The following PCDH9 variants were observed in gnomAD, a reference collection of about 807,000 sequenced individuals.
PCDH9 encodes protocadherin 9, also known as protocadherin-9.
A neutral mutation model predicts 70.6 loss-of-function variants in PCDH9; 24 were observed. The observed-to-expected ratio is 0.34, with a 90% CI of 0.25 to 0.48. The LOEUF is 0.48. PCDH9 is among the 20% of genes least tolerant of loss of function. PCDH9 has a pLI of 0.99. For synonymous variants in PCDH9, 562 were observed against 558.5 expected (o/e 1.01, Z -0.09); for missense variants, 1,281 against 1,503.6 (o/e 0.85, Z 2.45).
chr13:66,830,807 G>T (rs1030163883), intron 3 of PCDH9, among the ~76,000 whole-genome samples: 2 of 152,112 alleles, frequency 1.3e-5, no homozygotes, highest in African/African-American at 4.8e-5. Flanking sequence ...TTTCAGGGGG[G>T]TCTAGAAAGA....
At chr13:66,415,892 C>A (rs1041002823) in intron 4 of PCDH9, among the ~76,000 whole-genome samples, 4 of 152,062 alleles carry the variant, frequency 2.6e-5, no homozygotes, top group African/African-American at 9.7e-5. Context: ...TAAGCAGTCA[C>A]ATAATACTTC....
intron 4 of PCDH9, among the ~76,000 whole-genome samples, chr13:66,569,599 A>G (rs1375870070): frequency 1.3e-5 from 2 of 152,124 alleles, no homozygotes; most frequent in Non-Finnish European, 2.9e-5. Flanking sequence ...AAGCCATTCT[A>G]TAGATACTCA....
intron 4 of PCDH9, among the ~76,000 whole-genome samples, chr13:66,561,363 C>G (rs1021025297): frequency 6.6e-6 from 1 of 152,200 alleles, no homozygotes; most frequent in East Asian, 1.9e-4. Context: ...GCCCCTTGCT[C>G]CACTGCACCC....
intron 4 of PCDH9, among the ~76,000 whole-genome samples, chr13:66,459,785 A>G (rs1000672554): frequency 8.6e-5 from 13 of 151,976 alleles, no homozygotes; most frequent in Non-Finnish European, 1.8e-4. Flanking sequence ...TGCATCTCAT[A>G]TCAGATTCTA....
chr13:66,449,927 T>C (rs1958172063), intron 4 of PCDH9, among the ~76,000 whole-genome samples: 1 of 152,196 alleles, frequency 6.6e-6, no homozygotes, highest in African/African-American at 2.4e-5. Flanking sequence ...AAAAAACATA[T>C]ACATATTTTA....
At chr13:67,167,831 T>C (rs2088164662) in intron 2 of PCDH9, among the ~76,000 whole-genome samples, 1 of 152,176 alleles carries the variant, frequency 6.6e-6, no homozygotes, top group Non-Finnish European at 1.5e-5. Context: ...GGAGTTATAC[T>C]CATAACCCAA....
chr13:66,515,818 T>A (rs9529079), intron 4 of PCDH9, among the ~76,000 whole-genome samples: 86,487 of 151,766 alleles, frequency 0.57, 24,993 homozygotes, highest in East Asian at 0.66. Context: ...TTTCTCCAAT[T>A]CTTAATAAAA....
At chr13:66,962,709 A>G (rs2083368467) in intron 2 of PCDH9, among the ~76,000 whole-genome samples, 1 of 152,108 alleles carries the variant, frequency 6.6e-6, no homozygotes, top group South Asian at 2.1e-4. Context: ...CTGAAATGTT[A>G]TTACATCACA....
At chr13:66,646,055 C>T (rs2077767303) in intron 3 of PCDH9, among the ~76,000 whole-genome samples, 1 of 152,176 alleles carries the variant, frequency 6.6e-6, no homozygotes, top group Admixed American at 6.5e-5. Flanking sequence ...CTCTTGTCAG[C>T]TTTGTTTGAA....
intron 4 of PCDH9, among the ~76,000 whole-genome samples, chr13:66,586,559 G>A (rs1451903597): frequency 2.0e-5 from 3 of 152,042 alleles, no homozygotes; most frequent in Non-Finnish European, 2.9e-5. Flanking sequence ...AAGTCTCAAG[G>A]TTCACAGCAA....
rs74093627 is a variant in PCDH9 at position 66,834,914 on chromosome 13, C to T, written c.3138+68590G>A. On this transcript the variant is annotated intron_variant, in intron 3 of 4. Coordinates refer to ENST00000377865, the MANE Select transcript of PCDH9 (RefSeq NM_203487.3). ...GAGAATGCTCTCTTTTAAGTAATAG[C>T]AGGAATACTATTTAAGTTGAGGTCA... Among the ~76,000 whole-genome samples the T allele has an allele frequency of 4.0e-3, 611 of 152,310 alleles. 5 individuals carry two copies. Among genetic ancestry groups the T allele is most frequent in the African/African-American group, 0.014 (593 of 41,554 alleles).
intron 3 of PCDH9, among the ~76,000 whole-genome samples, chr13:66,735,080 A>T (rs1365046826): frequency 6.6e-6 from 1 of 152,204 alleles, no homozygotes. Flanking sequence ...GGTGCTGTTC[A>T]TAACCTCAAA....
At chr13:67,180,074 A>AT (rs141432413) in intron 2 of PCDH9, among the ~76,000 whole-genome samples, 2,970 of 152,170 alleles carry the variant, frequency 0.02, 97 homozygotes, top group African/African-American at 0.067. Flanking sequence ...ATCTCTTAGA[A>AT]TTTTTTCTAC....
At position 67,225,621 on chromosome 13, in the gene PCDH9, T is replaced by C; in HGVS notation, c.2820A>G (p.Lys940=). 1 of 1,613,978 alleles carries C rather than the reference T, an allele frequency of 6.2e-7. No homozygotes were observed. The change falls in exon 2 of 5, where the codon AAA becomes AAG. Residue 940 remains lysine (K), a synonymous_variant. Transcript: ENST00000377865. ...PNSPDLAKHY[K]SASPQPAFHL... ...GAAAAGCAGGCTGTGGAGAAGCAGA[T>C]TTGTAGTGCTTGGCCAGGTCAGGAC...
chr13:66,821,402 T>C (rs1454912104), intron 3 of PCDH9, among the ~76,000 whole-genome samples: 1 of 152,132 alleles, frequency 6.6e-6, no homozygotes, highest in African/African-American at 2.4e-5. Context: ...AGGGTTTATA[T>C]AAACATAAGC....
intron 4 of PCDH9, among the ~76,000 whole-genome samples, chr13:66,334,616 G>C (rs1330886851): frequency 6.6e-6 from 1 of 151,740 alleles, no homozygotes; most frequent in Non-Finnish European, 1.5e-5. Context: ...CTCTTTTTCT[G>C]TTTCTCTGGA....
At chr13:67,030,583 C>T (rs2084885641) in intron 2 of PCDH9, among the ~76,000 whole-genome samples, 1 of 151,628 alleles carries the variant, frequency 6.6e-6, no homozygotes, top group African/African-American at 2.4e-5. Flanking sequence ...TAATGGATAT[C>T]CTAAATACCC....
chr13:66,370,983 G>C (rs948539337), intron 4 of PCDH9, among the ~76,000 whole-genome samples: 6 of 151,962 alleles, frequency 3.9e-5, no homozygotes, highest in Admixed American at 3.9e-4. Context: ...ACAATATTTT[G>C]CTGCCTTTAT....
In PCDH9 at chr13:67,226,735, C is replaced by T. The variant is rs115196172; in HGVS notation, c.1706G>A (p.Ser569Asn). The T allele has an allele frequency of 1.6e-3, 2,523 of 1,614,096 alleles. 32 individuals carry two copies. In the African/African-American group the frequency reaches 0.029, roughly 19 times the overall value. The change falls in exon 2 of 5, where the codon AGC becomes AAC. Residue 569 changes from serine to asparagine, a missense_variant. By Grantham distance (46) the Ser-to-Asn change is conservative. Around this residue, in one of 4 missense-constraint regions of PCDH9, gnomAD observed 798 missense variants for 1,003.1 expected, o/e 0.80. Transcript: ENST00000377865. The surrounding 1 kb of genome is among the most constrained non-coding windows in gnomAD (Gnocchi z 5.0). ...AAAATGATTATGAGTAAACTTGGGG[C>T]TATTGTCATTCTCATCCAGAACAGT... is the stretch of plus-strand genomic sequence containing the variant. ...IVTVLDENDN[S>N]PKFTHNHFQF...
Sources: gnomAD v4.1 joint callset for allele counts (sites outside exome capture counted in the v4.1 genomes callset) on GRCh38, gnomAD v4.1.1 for gene constraint, gnomAD v4.1.1 regional missense constraint, Gnocchi (gnomAD v3.1) non-coding constraint, MANE v1.5 for transcripts, NCBI Gene and HGNC (gene_info 2026-07-23, HGNC 2026-07-21) for gene names.